The following CAPZA1 variants were observed in gnomAD, a reference collection of about 807,000 sequenced individuals.
CAPZA1 encodes capping actin protein of muscle Z-line subunit alpha 1, also known as F-actin-capping protein subunit alpha-1.
In CAPZA1, 10 loss-of-function variants were observed where a neutral mutation model predicts 40.8. The ratio of observed to expected loss-of-function variants is 0.25; its 90% CI spans 0.15 to 0.42. CAPZA1 has a LOEUF of 0.42. Among genes scored for constraint, CAPZA1 ranks in the 10% least tolerant of loss-of-function variants. The pLI is 1.00. For synonymous variants in CAPZA1, 98 were observed against 115.0 expected (o/e 0.85, Z 0.95); for missense variants, 277 against 353.8 (o/e 0.78, Z 1.74).
intron 1 of CAPZA1, among the ~76,000 whole-genome samples, chr1:112,640,598 G>A (rs1353790812): frequency 2.8e-5 from 4 of 143,858 alleles, no homozygotes; most frequent in African/African-American, 1.0e-4. Flanking sequence ...GGAGGGAGGT[G>A]GGGGGGTCAG....
chr1:112,636,016 G>A (rs867124092), intron 1 of CAPZA1, among the ~76,000 whole-genome samples: 1 of 152,158 alleles, frequency 6.6e-6, no homozygotes, highest in East Asian at 1.9e-4. Context: ...GTGACAGAGC[G>A]AGACTCTTTC....
At chr1:112,641,231 A>T (rs1238681845) in intron 1 of CAPZA1, among the ~76,000 whole-genome samples, 2 of 151,306 alleles carry the variant, frequency 1.3e-5, no homozygotes, top group East Asian at 3.9e-4. Context: ...AAAAAAAAAT[A>T]AATAAATAAA....
intron 3 of CAPZA1, among the ~76,000 whole-genome samples, chr1:112,653,313 T>G (rs1044028993): frequency 1.3e-5 from 2 of 152,078 alleles, no homozygotes; most frequent in East Asian, 3.9e-4. Flanking sequence ...AAACCAACTT[T>G]GGAATTGTCT....
intron 7 of CAPZA1, among the ~76,000 whole-genome samples, chr1:112,662,395 C>CTTTTTTTTTTTTTTTTTTTTTTTTTTT (rs35100851): frequency 1.0e-5 from 1 of 97,260 alleles, no homozygotes; most frequent in Non-Finnish European, 1.9e-5. Context: ...TAGAATTTTT[C>CTTTTTTTTTTTTTTTTTTTTTTTTTTT]TTTTTTTTTT....
Position 112,667,120 on chromosome 1 carries a change from A to G in CAPZA1, c.632A>G (p.Asp211Gly). 6.2e-7 allele frequency: 1 copy of G among 1,610,872 alleles called. No individual in the cohort carries two copies. Among genetic ancestry groups the G allele is most frequent in the Non-Finnish European group, 8.5e-7 (1 of 1,177,766 alleles). The part of the protein sequence containing the change: ...DGNVQLVSHK[D>G]VQDSLTVSNE... ...AATGTTCAGTTGGTTAGTCATAAAG[A>G]TGTACAGGATTCACTAACTGTTTCG... Residue 211 changes from aspartate to glycine, a missense_variant, in exon 8 of 10, where the codon GAT becomes GGT. Around this residue, in one of 2 missense-constraint regions of CAPZA1, gnomAD observed 192 missense variants for 277.2 expected, o/e 0.69. Transcript: ENST00000263168.
intron 1 of CAPZA1, among the ~76,000 whole-genome samples, chr1:112,635,234 A>G (rs945754551): frequency 7.2e-5 from 11 of 152,196 alleles, no homozygotes; most frequent in African/African-American, 2.4e-4. Context: ...TAGACAGACC[A>G]AGATAGGGAG....
At chr1:112,646,139 A>T (rs1671277727) in intron 1 of CAPZA1, among the ~76,000 whole-genome samples, 1 of 152,230 alleles carries the variant, frequency 6.6e-6, no homozygotes, top group African/African-American at 2.4e-5. Flanking sequence ...ATAATAGTAT[A>T]TCCAGAAAGG....
At position 112,654,686 on chromosome 1, in the gene CAPZA1, TGCTTCGTTATCAGAGA is replaced by T. The variant is rs1428140134; in HGVS notation, c.426+17_426+32del. 3.3e-6 allele frequency: 5 copies of T among 1,536,496 alleles called. No individual in the cohort carries two copies. In the African/African-American group the frequency reaches 5.5e-5, roughly 17 times the overall value. On this transcript the variant is annotated intron_variant, in intron 5 of 9. Transcript: ENST00000263168. ...GCTTCTGTACTGTTAAGTATCTGACTGCTTCGTTATCAGAGAGTGTTTTCTTATATTTACCTTATCC... is the reference window on the plus strand; with the variant it reads ...GCTTCTGTACTGTTAAGTATCTGACTGTGTTTTCTTATATTTACCTTATCC...
chr1:112,657,608 A>G (rs1314903833), intron 5 of CAPZA1, among the ~76,000 whole-genome samples: 3 of 148,664 alleles, frequency 2.0e-5, no homozygotes, highest in Non-Finnish European at 3.0e-5. Context: ...TTTTTTTTTT[A>G]GAGATGGAGT....
At chr1:112,662,926 C>CT (rs1671649670) in intron 7 of CAPZA1, among the ~76,000 whole-genome samples, 3 of 151,952 alleles carry the variant, frequency 2.0e-5, no homozygotes, top group Non-Finnish European at 4.4e-5. Context: ...TTTTAAATAT[C>CT]TCCCATCCTG....
At chr1:112,640,462 G>A (rs1192140642) in intron 1 of CAPZA1, among the ~76,000 whole-genome samples, 3 of 134,414 alleles carry the variant, frequency 2.2e-5, no homozygotes, top group Non-Finnish European at 4.8e-5. Flanking sequence ...CCTCTGCCCA[G>A]CCAGCCGCCC....
intron 3 of CAPZA1, among the ~76,000 whole-genome samples, chr1:112,650,922 G>C (rs368161709): frequency 6.6e-6 from 1 of 152,100 alleles, no homozygotes; most frequent in African/African-American, 2.4e-5. Flanking sequence ...TAACTATTCT[G>C]GTTCTTATAG....
chr1:112,619,833 G>A lies in CAPZA1; in HGVS notation c.-12G>A. The stretch of plus-strand genomic sequence containing the variant: ...TCGCGCCCGTAGCCGGGCTGGGCCA[G>A]AACAGCCCAAGATGGCCGACTTCGA... On this transcript the variant is annotated 5_prime_UTR_variant, in exon 1 of 10. Transcript: ENST00000263168. The A allele has an allele frequency of 6.2e-7, 1 of 1,612,382 alleles. No individual in the cohort carries two copies. The highest frequency in any genetic ancestry group is 8.5e-7 in the Non-Finnish European group (1 of 1,179,144).
intron 7 of CAPZA1, 66 bp from the exon 8 acceptor site, chr1:112,667,008 T>C: frequency 9.2e-7 from 1 of 1,089,198 alleles, no homozygotes; most frequent in Non-Finnish European, 1.4e-6. Flanking sequence ...AGCATGGATT[T>C]GTGTCCTAAA....
At chr1:112,621,014 G>A (rs1670632672) in intron 1 of CAPZA1, among the ~76,000 whole-genome samples, 1 of 152,104 alleles carries the variant, frequency 6.6e-6, no homozygotes, top group African/African-American at 2.4e-5. Context: ...AGTTGGGATG[G>A]GAAGGGGACT....
At chr1:112,637,963 T>C (rs1264312314) in intron 1 of CAPZA1, among the ~76,000 whole-genome samples, 1 of 152,226 alleles carries the variant, frequency 6.6e-6, no homozygotes, top group Non-Finnish European at 1.5e-5. Flanking sequence ...TAGCAGTTTA[T>C]TGACTCTTGC....
At chr1:112,641,611 C>T (rs1475213802) in intron 1 of CAPZA1, among the ~76,000 whole-genome samples, 1 of 151,764 alleles carries the variant, frequency 6.6e-6, no homozygotes, top group Non-Finnish European at 1.5e-5. Flanking sequence ...AAACTGAGGC[C>T]GGGCGCAGTG....
At chr1:112,668,116 C>A (rs1036266724) in intron 8 of CAPZA1, among the ~76,000 whole-genome samples, 1 of 151,762 alleles carries the variant, frequency 6.6e-6, no homozygotes, top group African/African-American at 2.4e-5. Context: ...GAAACCCTGT[C>A]TCTACAAAAA....
At chr1:112,668,774 G>C (rs2101194799) in intron 8 of CAPZA1, among the ~76,000 whole-genome samples, 1 of 152,228 alleles carries the variant, frequency 6.6e-6, no homozygotes, top group Non-Finnish European at 1.5e-5. Flanking sequence ...ACTGTACCTG[G>C]CCTCTGCTTC....
Sources: allele counts gnomAD v4.1 joint callset (sites outside exome capture counted in the v4.1 genomes callset), GRCh38; gene constraint gnomAD v4.1.1; regional missense constraint gnomAD v4.1.1; transcripts MANE v1.5; gene names NCBI Gene and HGNC (gene_info 2026-07-23, HGNC 2026-07-21).